Variants in BCL2L11 observed in about 807,000 individuals in gnomAD.
BCL2L11 encodes the protein BCL2 like 11.
In BCL2L11, 15 loss-of-function variants were observed where a neutral mutation model predicts 20.6. The ratio of observed to expected loss-of-function variants is 0.73; its 90% CI spans 0.49 to 1.12. The LOEUF is 1.12. BCL2L11 is among the 50% of genes most tolerant of loss of function. The pLI is 0.00. For synonymous variants in BCL2L11, 108 were observed against 92.8 expected (o/e 1.16, Z -0.94); for missense variants, 292 against 260.9 (o/e 1.12, Z -0.82).
intron 1 of BCL2L11, chr2:111,122,715 G>T: frequency 2.0e-6 from 2 of 982,916 alleles, no homozygotes; most frequent in Non-Finnish European, 2.4e-6. Context: ...CGGAGCCCTC[G>T]GCTGCCCGGC....
intron 3 of BCL2L11, among the ~76,000 whole-genome samples, chr2:111,158,762 C>T (rs573145474): frequency 6.6e-6 from 1 of 152,278 alleles, no homozygotes; most frequent in South Asian, 2.1e-4. Flanking sequence ...GTTTTTCCCT[C>T]GTTGCTCTGA....
At chr2:111,157,097 T>C (rs1361909446) in intron 3 of BCL2L11, among the ~76,000 whole-genome samples, 1 of 152,218 alleles carries the variant, frequency 6.6e-6, no homozygotes, top group African/African-American at 2.4e-5. Context: ...GCTAAAGGAC[T>C]TGTGCTTGTT....
chr2:111,122,191 G>GA (rs2071175019), intron 1 of BCL2L11, among the ~76,000 whole-genome samples: 2 of 152,254 alleles, frequency 1.3e-5, no homozygotes, highest in South Asian at 4.1e-4. Flanking sequence ...CCAGGGCGGT[G>GA]ACGGCCGTTA....
chr2:111,155,737 T>A (rs1174735327), intron 3 of BCL2L11, among the ~76,000 whole-genome samples: 1 of 152,210 alleles, frequency 6.6e-6, no homozygotes, highest in Non-Finnish European at 1.5e-5. Context: ...CAGCAGCACA[T>A]GAAGCTGCTC....
At chr2:111,144,987 G>A (rs1001326516) in intron 2 of BCL2L11, among the ~76,000 whole-genome samples, 4 of 152,218 alleles carry the variant, frequency 2.6e-5, no homozygotes, top group Non-Finnish European at 4.4e-5. Context: ...TCTATTATGT[G>A]TGTAAAATCC....
rs769027480 is a variant in BCL2L11, at chr2:111,151,641, A to G, written c.498+1494A>G. Among the ~76,000 whole-genome samples the G allele has an allele frequency of 7.9e-5, 12 of 152,300 alleles. No homozygotes were observed. The East Asian group carries it at 1.4e-3, about 17-fold the overall frequency. ...CTTTTAGACAAATAGACATTTTCCC[A>G]TTACAAAGGACACTATCAGTTCTTC... On this transcript the variant is annotated intron_variant, in intron 3 of 3. Coordinates refer to ENST00000393256, the MANE Select transcript of BCL2L11 (RefSeq NM_138621.5).
intron 2 of BCL2L11, among the ~76,000 whole-genome samples, chr2:111,129,592 C>T (rs1211962279): frequency 6.6e-6 from 1 of 152,206 alleles, no homozygotes; most frequent in East Asian, 1.9e-4. Flanking sequence ...TTAACAGAAT[C>T]CATCTACTGT....
intron 1 of BCL2L11, among the ~76,000 whole-genome samples, chr2:111,122,211 C>T (rs2071180941): frequency 6.6e-6 from 1 of 152,208 alleles, no homozygotes; most frequent in African/African-American, 2.4e-5. Flanking sequence ...AGGGTCTGCC[C>T]CCGACGGGCC....
intron 2 of BCL2L11, among the ~76,000 whole-genome samples, chr2:111,141,720 C>T (rs1169967836): frequency 1.4e-5 from 2 of 144,250 alleles, no homozygotes; most frequent in Non-Finnish European, 3.0e-5. Context: ...TTTTTTGAGA[C>T]GGAGTTTCGC....
chr2:111,168,407 TTTA>T lies in BCL2L11; in HGVS notation c.*4178_*4180del, dbSNP rs569610103. The T allele has an allele frequency of 4.0e-4, 61 of 152,800 alleles. No individual in the cohort carries two copies. The highest frequency in any genetic ancestry group is 1.4e-3 in the African/African-American group (59 of 41,586). 9.5% of individuals were successfully genotyped at this position (152,800 alleles called of 1,614,324 possible). A position where few individuals can be genotyped will look rare whatever the true frequency, so the allele number is the denominator to read the frequency against. On this transcript the variant is annotated 3_prime_UTR_variant, in exon 4 of 4. Coordinates refer to ENST00000393256, the MANE Select transcript of BCL2L11 (RefSeq NM_138621.5). ...ATAACTGCAGATTTTTAAACAATCT[TTTA>T]TGTTAATTTTATAAAAATAAAACTT...
intron 2 of BCL2L11, among the ~76,000 whole-genome samples, chr2:111,127,831 G>A (rs781645586): frequency 6.6e-6 from 1 of 152,026 alleles, no homozygotes; most frequent in Non-Finnish European, 1.5e-5. Flanking sequence ...GATACACACT[G>A]GATTTTGAGG....
Position 111,123,860 on chromosome 2 carries a change from G to A in BCL2L11, c.115G>A (p.Glu39Lys), listed in dbSNP as rs1369969496. The stretch of plus-strand genomic sequence containing the variant: ...TGGGGCCCCTACCTCCCTACAGACA[G>A]AGCCACAAGGTAATCCTGAAGGCAA... The part of the protein sequence containing the change: ...RPGAPTSLQT[E>K]PQGNPEGNHG... Residue 39 changes from glutamate (E) to lysine (K), a missense_variant, in exon 2 of 4, where the codon GAG (glutamate) becomes AAG (lysine). Coordinates refer to ENST00000393256, the MANE Select transcript of BCL2L11 (RefSeq NM_138621.5). 4.4e-6 allele frequency: 7 copies of A among 1,594,940 alleles called. No individual in the cohort carries two copies. Among genetic ancestry groups the A allele is most frequent in the African/African-American group, 1.3e-5 (1 of 74,138 alleles).
chr2:111,122,594 G>A, intron 1 of BCL2L11: 7 of 984,458 alleles, frequency 7.1e-6, no homozygotes, highest in Non-Finnish European at 7.2e-6. Context: ...GCGCGGGGAG[G>A]TCGGCGGTGC....
chr2:111,128,544 A>G, intron 2 of BCL2L11: 3 of 1,417,998 alleles, frequency 2.1e-6, no homozygotes, highest in Non-Finnish European at 2.7e-6. Flanking sequence ...AGGCTGTGCC[A>G]TTTTACATTC....
At chr2:111,142,519 A>ATTGTACT in intron 2 of BCL2L11, 2 of 719,612 alleles carry the variant, frequency 2.8e-6, no homozygotes, top group Non-Finnish European at 4.7e-6. Flanking sequence ...TCTGTGTTAA[A>ATTGTACT]TTGTACTTCA....
intron 2 of BCL2L11, 113 bp downstream of exon 2, chr2:111,124,252 C>G (rs1259295070): frequency 7.3e-6 from 9 of 1,230,796 alleles, no homozygotes; most frequent in African/African-American, 3.1e-5. Flanking sequence ...TTTATTCCAT[C>G]TTTAGATGGG....
intron 2 of BCL2L11, 36 bp from the exon 3 acceptor site, chr2:111,150,007 CA>C (rs1559069947): frequency 6.4e-7 from 1 of 1,574,590 alleles, no homozygotes; most frequent in Admixed American, 1.7e-5. Flanking sequence ...ATCTGTGGAC[CA>C]CAATGTGATT....
At chr2:111,145,481 G>C (rs1240675428) in intron 2 of BCL2L11, among the ~76,000 whole-genome samples, 1 of 152,076 alleles carries the variant, frequency 6.6e-6, no homozygotes, top group Non-Finnish European at 1.5e-5. Flanking sequence ...GCTCATTATA[G>C]ATTGACAATC....
chr2:111,151,384 G>A (rs988247037), intron 3 of BCL2L11, among the ~76,000 whole-genome samples: 1 of 152,206 alleles, frequency 6.6e-6, no homozygotes, highest in Non-Finnish European at 1.5e-5. Flanking sequence ...CCAAAAGGAA[G>A]ACACTAATTC....
Sources: allele counts gnomAD v4.1 joint callset (sites outside exome capture counted in the v4.1 genomes callset), GRCh38; gene constraint gnomAD v4.1.1; transcripts MANE v1.5; gene names NCBI Gene and HGNC (gene_info 2026-07-23, HGNC 2026-07-21).